Variants in COL11A1 observed in about 807,000 individuals in gnomAD.
The protein encoded by COL11A1 is collagen alpha-1(XI) chain.
In COL11A1, 74 loss-of-function variants were observed where a neutral mutation model predicts 265.2. That is an observed-to-expected ratio of 0.28 (90% CI 0.23 to 0.34). The LOEUF is 0.34. Ranked by LOEUF, COL11A1 falls within the 10% of genes least tolerant of loss-of-function variation. The pLI, the probability that COL11A1 is intolerant of heterozygous loss-of-function variation, is 1.00. For missense variants in COL11A1, 2,165 were observed against 2,263.6 expected (o/e 0.96, Z 0.88); for synonymous variants, 816 against 727.6 (o/e 1.12, Z -1.96).
Position 102,989,510 on chromosome 1 carries a change from A to G in COL11A1, c.2394+8T>C, listed in dbSNP as rs1322783114. On this transcript the variant is annotated splice_region_variant and intron_variant, in intron 29 of 66. Transcript: ENST00000370096. ...TTGTGTACTGGTGTACATTTTCTCT[A>G]TACTTACTCTGTCACCTTTTAGACC... The G allele has an allele frequency of 5.6e-6, 9 of 1,600,722 alleles. No homozygotes were observed. Among genetic ancestry groups the G allele is most frequent in the Non-Finnish European group, 7.7e-6 (9 of 1,168,950 alleles).
At chr1:102,929,231 C>T (rs1487875149) in intron 46 of COL11A1, among the ~76,000 whole-genome samples, 2 of 147,900 alleles carry the variant, frequency 1.4e-5, no homozygotes, top group Admixed American at 6.8e-5. Context: ...TTAGGTCTAA[C>T]GTTTAAGTCT....
At chr1:103,092,513 T>C (rs541654230) in intron 1 of COL11A1, among the ~76,000 whole-genome samples, 37 of 152,222 alleles carry the variant, frequency 2.4e-4, no homozygotes, top group Non-Finnish European at 4.9e-4. Context: ...CCATTCATAG[T>C]GGAGAGAAAT....
At chr1:102,969,348 C>T (rs1028557039) in intron 37 of COL11A1, among the ~76,000 whole-genome samples, 1 of 152,136 alleles carries the variant, frequency 6.6e-6, no homozygotes, top group African/African-American at 2.4e-5. Flanking sequence ...ATTCAGGGTG[C>T]CCCCTACCCT....
intron 49 of COL11A1, among the ~76,000 whole-genome samples, chr1:102,918,500 C>T (rs1655609778): frequency 6.6e-6 from 1 of 151,812 alleles, no homozygotes; most frequent in African/African-American, 2.4e-5. Flanking sequence ...AATGGGTATA[C>T]ATTCAGCCAG....
At chr1:103,017,723 C>T (rs146225094) in intron 11 of COL11A1, 97 bp downstream of exon 11, 36 of 1,037,964 alleles carry the variant, frequency 3.5e-5, no homozygotes, top group African/African-American at 6.3e-5. Context: ...CCCTCCCACA[C>T]GCAGTAAGAT....
chr1:102,980,195 T>C (rs1406112079), intron 31 of COL11A1, among the ~76,000 whole-genome samples: 3 of 151,904 alleles, frequency 2.0e-5, no homozygotes, highest in Non-Finnish European at 2.9e-5. Context: ...TTTGTGGGAC[T>C]GAAAAAAAGA....
intron 26 of COL11A1, 97 bp from the exon 27 acceptor site, chr1:102,996,139 T>C (rs1664603594): frequency 1.7e-6 from 2 of 1,200,684 alleles, no homozygotes; most frequent in African/African-American, 3.1e-5. Flanking sequence ...AGGATATGGT[T>C]TTTTTCTACT....
chr1:102,919,860 T>C (rs1033961678), intron 49 of COL11A1, among the ~76,000 whole-genome samples: 4 of 152,110 alleles, frequency 2.6e-5, no homozygotes, highest in African/African-American at 7.2e-5. Flanking sequence ...GAATGATTCA[T>C]TCCTTTGTGG....
At chr1:102,933,814 C>T (rs1001578540) in intron 46 of COL11A1, among the ~76,000 whole-genome samples, 8 of 152,146 alleles carry the variant, frequency 5.3e-5, no homozygotes, top group Admixed American at 1.3e-4. Context: ...TTAAGCCGGT[C>T]GGAAAAGTGC....
intron 41 of COL11A1, among the ~76,000 whole-genome samples, chr1:102,954,792 C>T (rs12064011): frequency 0.086 from 13,010 of 150,506 alleles, 669 homozygotes; most frequent in African/African-American, 0.15. Flanking sequence ...TGCAGTGAGG[C>T]GAGATTGCGT....
chr1:102,881,065 A>G (rs1018382290), intron 65 of COL11A1, among the ~76,000 whole-genome samples: 1 of 152,094 alleles, frequency 6.6e-6, no homozygotes, highest in South Asian at 2.1e-4. Flanking sequence ...ATAGCTTTTC[A>G]AAGAAAATTA....
rs765257116 is a variant in COL11A1, at chr1:102,889,483, T to C, written c.4436A>G (p.Gln1479Arg). ...EKGDRGLPGT[Q>R]GSPGAKGDGG... is the part of the protein sequence containing the mutation. ...ATCCCCTTTTGCTCCTGGAGATCCT[T>C]GAGTTCCAGGGAGCCCTCGGTCACC... Residue 1479 changes from glutamine (Q) to arginine (R), a missense_variant, in exon 59 of 67, where the codon CAA (glutamine) becomes CGA (arginine). Coordinates refer to ENST00000370096, the MANE Select transcript of COL11A1 (RefSeq NM_001854.4). The C allele has an allele frequency of 2.5e-6, 4 of 1,613,554 alleles. No homozygotes were observed. The highest frequency in any genetic ancestry group is 3.4e-6 in the Non-Finnish European group (4 of 1,179,764).
intron 42 of COL11A1, among the ~76,000 whole-genome samples, chr1:102,941,090 TC>T (rs1466340078): frequency 1.3e-5 from 2 of 152,094 alleles, no homozygotes; most frequent in African/African-American, 4.8e-5. Context: ...CATTCAGAGG[TC>T]CTTTCTGTCC....
intron 54 of COL11A1, among the ~76,000 whole-genome samples, chr1:102,910,801 G>A (rs1654578143): frequency 6.6e-6 from 1 of 151,992 alleles, no homozygotes. Flanking sequence ...GGTGTAGCTG[G>A]GTTGAAAGCC....
In COL11A1 at chr1:102,901,815, GTAATT is replaced by G. The variant is rs558819539; in HGVS notation, c.4087-2826_4087-2822del. 8.7e-4 allele frequency among the ~76,000 whole-genome samples: 133 copies of G among 152,198 alleles called. 1 individual carries two copies. Among genetic ancestry groups the G allele is most frequent in the African/African-American group, 3.1e-3 (128 of 41,530 alleles). ...TATTCAAGTTTTACAGTATGATTCT[GTAATT>G]TAATCATTTTTCCACTCATGTCACA... On this transcript the variant is annotated intron_variant, in intron 54 of 66. Transcript: ENST00000370096.
chr1:103,086,544 G>A (rs1241858311), intron 1 of COL11A1, among the ~76,000 whole-genome samples: 1 of 152,124 alleles, frequency 6.6e-6, no homozygotes, highest in Non-Finnish European at 1.5e-5. Flanking sequence ...AGCCTCCTGA[G>A]TAGCTGGGAC....
chr1:103,065,425 C>G (rs1484532914), intron 4 of COL11A1, among the ~76,000 whole-genome samples: 1 of 144,150 alleles, frequency 6.9e-6, no homozygotes, highest in Non-Finnish European at 1.5e-5. Context: ...GAGGCTGAGG[C>G]AGGAGAATGG....
chr1:102,920,683 G>T (rs1655884149), intron 48 of COL11A1, among the ~76,000 whole-genome samples: 1 of 152,124 alleles, frequency 6.6e-6, no homozygotes, highest in African/African-American at 2.4e-5. Flanking sequence ...CGGTGATTTT[G>T]TAGTGAATCA....
At chr1:102,929,574 G>A (rs1431259900) in intron 46 of COL11A1, among the ~76,000 whole-genome samples, 1 of 152,012 alleles carries the variant, frequency 6.6e-6, no homozygotes, top group Admixed American at 6.6e-5. Flanking sequence ...TGGCAATGCG[G>A]GCTCTTTTTT....
Sources: gnomAD v4.1 joint callset for allele counts (sites outside exome capture counted in the v4.1 genomes callset) on GRCh38, gnomAD v4.1.1 for gene constraint, MANE v1.5 for transcripts, NCBI Gene and HGNC (gene_info 2026-07-23, HGNC 2026-07-21) for gene names.